Variants in SYCE1L observed in about 807,000 individuals in gnomAD.
The protein encoded by SYCE1L is synaptonemal complex central element protein 1 like, also known as synaptonemal complex central element protein 1-like.
SYCE1L carries 51 observed loss-of-function variants against 39.6 expected under a neutral mutation model. The ratio of observed to expected loss-of-function variants is 1.29; its 90% CI spans 1.03 to 1.63. The LOEUF (loss-of-function observed/expected upper bound fraction) is 1.63, where lower values mean the gene tolerates loss of function less well. Ranked by LOEUF, SYCE1L falls within the 40% of genes most tolerant of loss-of-function variation. The probability of loss-of-function intolerance (pLI) is 0.00; values close to 1 mark genes in which losing one functional copy is unlikely to be tolerated. For missense variants in SYCE1L, 426 were observed against 304.9 expected, an observed-to-expected ratio of 1.40 and a Z score of -2.96; for synonymous variants, 147 against 122.4, an observed-to-expected ratio of 1.20 and a Z score of -1.33.
intron 1 of SYCE1L, chr16:77,201,110 C>T (rs1227984807): frequency 6.6e-6 from 1 of 152,154 alleles, no homozygotes; most frequent in Non-Finnish European, 1.5e-5. Context: ...CTCTCGCTCC[C>T]CTGCACCTAA....
intron 2 of SYCE1L, among the ~76,000 whole-genome samples, chr16:77,207,487 C>T (rs1169459858): frequency 6.6e-6 from 1 of 152,164 alleles, no homozygotes; most frequent in African/African-American, 2.4e-5. Flanking sequence ...TTGCAAGCTG[C>T]CACCAACAGT....
At chr16:77,211,820 A>G (rs1327190319) in intron 7 of SYCE1L, among the ~76,000 whole-genome samples, 1 of 152,106 alleles carries the variant, frequency 6.6e-6, no homozygotes, top group African/African-American at 2.4e-5. Flanking sequence ...CCGTGCAGGT[A>G]TCGGTGCAGA....
intron 1 of SYCE1L, chr16:77,200,313 G>A (rs2161716): frequency 0.43 from 48,450 of 112,350 alleles, 8,802 homozygotes; most frequent in Admixed American, 0.54. Context: ...TCAGCCGGGC[G>A]CGGTGGTGTG....
At chr16:77,211,651 G>A (rs1388794137) in intron 7 of SYCE1L, among the ~76,000 whole-genome samples, 3 of 152,208 alleles carry the variant, frequency 2.0e-5, no homozygotes, top group African/African-American at 7.2e-5. Context: ...GGCAGGGAGG[G>A]AGGGTAGCAG....
At chr16:77,208,998 G>T in intron 4 of SYCE1L, 99 bp from the exon 5 acceptor site, 6 of 1,313,176 alleles carry the variant, frequency 4.6e-6, no homozygotes, top group Non-Finnish European at 5.4e-6. Context: ...CTCTCCTAGG[G>T]CTGTACTACA....
intron 2 of SYCE1L, 71 bp downstream of exon 2, chr16:77,206,571 C>T: frequency 1.4e-6 from 2 of 1,453,002 alleles, no homozygotes; most frequent in East Asian, 2.5e-5. Context: ...CAAATTCAGC[C>T]CCCTGAACTC....
intron 1 of SYCE1L, chr16:77,201,810 T>G (rs1305098974): frequency 6.6e-6 from 1 of 152,172 alleles, no homozygotes; most frequent in Non-Finnish European, 1.5e-5. Context: ...CTAATTTAAA[T>G]GTATTAAAAT....
Position 77,213,006 on chromosome 16 carries a change from C to T in SYCE1L, c.*75C>T. On this transcript the variant is annotated 3_prime_UTR_variant, in exon 11 of 11. Coordinates refer to ENST00000378644, the MANE Select transcript of SYCE1L (RefSeq NM_001129979.3). ...ATAAAGGCGATGATTTCCGACCATG[C>T]TCGCGTTCTCCGCGGAGTCTGTGCT... is the stretch of plus-strand genomic sequence containing the variant. The T allele has an allele frequency of 7.2e-7, 1 of 1,381,042 alleles. No homozygotes were observed. The highest frequency in any genetic ancestry group is 2.6e-5 in the Admixed American group (1 of 38,558). 85.5% of individuals were successfully genotyped at this position (1,381,042 alleles called of 1,614,324 possible).
intron 6 of SYCE1L, among the ~76,000 whole-genome samples, chr16:77,210,821 C>A (rs890118093): frequency 3.3e-5 from 5 of 152,276 alleles, no homozygotes; most frequent in African/African-American, 1.2e-4. Flanking sequence ...ACAGACATCC[C>A]AACTCCCACT....
chr16:77,207,046 C>T (rs1268198869), intron 2 of SYCE1L, among the ~76,000 whole-genome samples: 1 of 152,184 alleles, frequency 6.6e-6, no homozygotes, highest in African/African-American at 2.4e-5. Context: ...TCCCCGCTCC[C>T]ATTCTGTGGC....
chr16:77,208,367 A>G lies in SYCE1L; in HGVS notation c.181+98A>G, dbSNP rs958514822. 4.5e-6 allele frequency: 7 copies of G among 1,541,270 alleles called. No homozygotes were observed. In the African/African-American group the frequency reaches 6.9e-5, roughly 15 times the overall value. On this transcript the variant is annotated intron_variant, in intron 3 of 10. Transcript: ENST00000378644. ...TCATCTATAAAATCTAGGCCCCTCTAGGGTTGTTTGAAGATGACTGTGCAA... is the reference window on the plus strand; with the variant it reads ...TCATCTATAAAATCTAGGCCCCTCTGGGGTTGTTTGAAGATGACTGTGCAA...
chr16:77,206,748 C>T (rs1230718336), intron 2 of SYCE1L, among the ~76,000 whole-genome samples: 3 of 152,100 alleles, frequency 2.0e-5, no homozygotes, highest in Non-Finnish European at 4.4e-5. Context: ...TCATCTATTT[C>T]CCTGACTCAT....
intron 1 of SYCE1L, among the ~76,000 whole-genome samples, chr16:77,206,202 G>A (rs1380108498): frequency 6.6e-6 from 1 of 152,146 alleles, no homozygotes; most frequent in African/African-American, 2.4e-5. Flanking sequence ...GATGTTTGTG[G>A]TGGTGTTTTT....
At chr16:77,207,050 C>G (rs1438400411) in intron 2 of SYCE1L, among the ~76,000 whole-genome samples, 2 of 152,196 alleles carry the variant, frequency 1.3e-5, no homozygotes, top group Non-Finnish European at 2.9e-5. Flanking sequence ...CGCTCCCATT[C>G]TGTGGCTGCC....
rs2054819154 is a variant in SYCE1L, at chr16:77,211,099, A to AT, written c.360-114_360-113insT. On this transcript the variant is annotated intron_variant, in intron 6 of 10. Transcript: ENST00000378644. ...AAAGCTTAGAGGATAAAACCCATGA[A>AT]GGGGCTCCCAGCAGAGGGAGCATGG... is the stretch of plus-strand genomic sequence containing the variant. The AT allele has an allele frequency of 4.4e-6, 5 of 1,146,136 alleles. No individual in the cohort carries two copies. In the Admixed American group the frequency reaches 1.0e-4, roughly 23 times the overall value. 71.0% of individuals were successfully genotyped at this position (1,146,136 alleles called of 1,614,324 possible). A position where few individuals can be genotyped will look rare whatever the true frequency, so the allele number is the denominator to read the frequency against.
chr16:77,213,157 A>C lies in SYCE1L; in HGVS notation c.*226A>C. 2.5e-6 allele frequency: 1 copy of C among 407,916 alleles called. No individual in the cohort carries two copies. Among genetic ancestry groups the C allele is most frequent in the Non-Finnish European group, 4.3e-6 (1 of 231,964 alleles). 25.3% of individuals were successfully genotyped at this position (407,916 alleles called of 1,614,324 possible). A position where few individuals can be genotyped will look rare whatever the true frequency, so the allele number is the denominator to read the frequency against. On this transcript the variant is annotated 3_prime_UTR_variant, in exon 11 of 11. Transcript: ENST00000378644. Reference sequence around the variant, plus strand: ...AATGCTCCTGAACTCAGAGAGAGTAAGTGGGTGTCAGTATCCCCCGCCCCA... The same window carrying C: ...AATGCTCCTGAACTCAGAGAGAGTACGTGGGTGTCAGTATCCCCCGCCCCA...
intron 1 of SYCE1L, chr16:77,199,794 G>A (rs944635901): frequency 1.3e-5 from 4 of 309,768 alleles, no homozygotes; most frequent in African/African-American, 8.7e-5. Flanking sequence ...AAACAAAAGT[G>A]GGGCGGTGGG....
chr16:77,208,345 T>G (rs2054799949), intron 3 of SYCE1L, 76 bp downstream of exon 3: 3 of 1,539,778 alleles, frequency 1.9e-6, no homozygotes, highest in Non-Finnish European at 2.6e-6. Context: ...CACCTCCTCA[T>G]CTATAAAATC....
In SYCE1L at chr16:77,199,490, A is replaced by G. The variant is rs893942225; in HGVS notation, c.39A>G (p.Pro13=). The change falls in exon 1 of 11, where the codon CCA becomes CCG. Residue 13 remains proline, a synonymous_variant. Coordinates refer to ENST00000378644, the MANE Select transcript of SYCE1L (RefSeq NM_001129979.3). ...GKLKPLNVEA[P]EATEEAEGQA... ...TGAAACCTCTGAATGTGGAGGCGCC[A>G]GAAGCTACTGAGGAGGCTGAAGGTA... 12 of 1,551,492 alleles carry G rather than the reference A, an allele frequency of 7.7e-6. No homozygotes were observed. Among genetic ancestry groups the G allele is most frequent in the Non-Finnish European group, 9.6e-6 (11 of 1,146,960 alleles).
Sources: gnomAD v4.1 joint callset for allele counts (sites outside exome capture counted in the v4.1 genomes callset) on GRCh38, gnomAD v4.1.1 for gene constraint, MANE v1.5 for transcripts, NCBI Gene and HGNC (gene_info 2026-07-23, HGNC 2026-07-21) for gene names.